The following MMEL1 variants were observed in gnomAD, a reference collection of about 807,000 sequenced individuals.
MMEL1 encodes the protein membrane metalloendopeptidase like 1, also known as membrane metallo-endopeptidase-like 1.
In MMEL1, 98 loss-of-function variants were observed where a neutral mutation model predicts 117.1. That is an observed-to-expected ratio of 0.84 (90% confidence interval 0.71 to 0.99). The LOEUF is 0.99. Among genes scored for constraint, MMEL1 ranks in the 50% least tolerant of loss-of-function variants. The pLI is 0.00. For missense variants in MMEL1, 1,014 were observed against 1,049.1 expected, an observed-to-expected ratio of 0.97 and a Z score of 0.46; for synonymous variants, 390 against 415.1, an observed-to-expected ratio of 0.94 and a Z score of 0.74.
chr1:2,629,755 C>T (rs1638457546), intron 1 of MMEL1: 1 of 397,832 alleles, frequency 2.5e-6, no homozygotes, highest in Admixed American at 4.4e-5. Flanking sequence ...ATGCTCCCAG[C>T]TTGGGGTCGC....
intron 1 of MMEL1, chr1:2,629,820 GCCC>G (rs35955733): frequency 0.61 from 139,778 of 230,940 alleles, 43,882 homozygotes; most frequent in Non-Finnish European, 0.67. Flanking sequence ...CTGTAGTGGA[GCCC>G]CCCCCCTGGG....
intron 22 of MMEL1, 57 bp from the exon 23 acceptor site, chr1:2,591,690 T>TGGGGGGGGGGCAAGGGGGGGG: frequency 2.7e-6 from 1 of 376,506 alleles, no homozygotes; most frequent in Admixed American, 3.3e-5. Context: ...CCAGGAGGGG[T>TGGGGGGGGGGCAAGGGGGGGG]GGGGGAGGGT....
chr1:2,606,666 CCTGGGGCCAGGGCCTGGCCGGAGCCTGG>C (rs1326348058), intron 7 of MMEL1, among the ~76,000 whole-genome samples: 2 of 152,144 alleles, frequency 1.3e-5, no homozygotes, highest in Non-Finnish European at 2.9e-5. Context: ...AGTGGGGAGC[CCTGGGGCCAGGGCCTGGCCGGAGCCTGG>C]CTGGGGCCTG....
intron 23 of MMEL1, 52 bp from the exon 24 acceptor site, chr1:2,591,141 G>T: frequency 1.5e-6 from 2 of 1,332,356 alleles, no homozygotes; most frequent in Non-Finnish European, 2.0e-6. Flanking sequence ...GGACAAACAT[G>T]GCCATTTTAA....
Position 2,598,785 on chromosome 1 carries a change from A to AGAGGACTCTCT in MMEL1, c.1046_1047insAGAGAGTCCTC (p.Phe349LeufsTer67), listed in dbSNP as rs1644886772. On this transcript the variant is annotated frameshift_variant, in exon 12 of 24. Transcript: ENST00000378412. LOFTEE classifies it high-confidence loss of function. ...CAGTTTGTATGAACAGAGTCCAGTT[A>AGAGGACTCTCT]AATCCCTGCAGATAGAGGAAGTGGG... 1 of 1,612,290 alleles carries AGAGGACTCTCT rather than the reference A, an allele frequency of 6.2e-7. No individual in the cohort carries two copies. The highest frequency in any genetic ancestry group is 8.5e-7 in the Non-Finnish European group (1 of 1,178,674).
chr1:2,628,966 G>C (rs1638402846), intron 2 of MMEL1, among the ~76,000 whole-genome samples: 2 of 150,942 alleles, frequency 1.3e-5, no homozygotes, highest in Non-Finnish European at 3.0e-5. Context: ...TGCGCGGCCA[G>C]GCAGGGAGGG....
Position 2,629,311 on chromosome 1 carries a change from G to C in MMEL1, c.154+20C>G. The C allele has an allele frequency of 6.6e-7, 1 of 1,519,526 alleles. No individual in the cohort carries two copies. Among genetic ancestry groups the C allele is most frequent in the Non-Finnish European group, 8.8e-7 (1 of 1,135,146 alleles). The allele number at this position is 1,519,526 out of a possible 1,614,324, so 94.1% of individuals were successfully genotyped here. On this transcript the variant is annotated intron_variant, in intron 2 of 23. Transcript: ENST00000378412. ...GAGAGCGGGCACGGGGACAGGCGGG[G>C]GCGGGGCACCCGCACTCACCTCTGC... is the stretch of plus-strand genomic sequence containing the variant.
At chr1:2,605,006 C>T (rs1296677313) in intron 9 of MMEL1, among the ~76,000 whole-genome samples, 3 of 152,176 alleles carry the variant, frequency 2.0e-5, no homozygotes. Context: ...TGTGTCTGGC[C>T]CTCTGGGGCA....
At chr1:2,602,948 C>A (rs75179033) in intron 11 of MMEL1, among the ~76,000 whole-genome samples, 3,527 of 152,246 alleles carry the variant, frequency 0.023, 127 homozygotes, top group African/African-American at 0.068. Flanking sequence ...ACCGGAACCT[C>A]GATCGAGATA....
Position 2,630,516 on chromosome 1 carries a change from G to C in MMEL1, c.-37-995C>G, listed in dbSNP as rs572417712. Among the ~76,000 whole-genome samples the C allele has an allele frequency of 5.5e-4, 84 of 152,076 alleles. 1 individual carries two copies. The East Asian group carries it at 0.014, about 26-fold the overall frequency. On this transcript the variant is annotated intron_variant, in intron 1 of 23. Coordinates refer to ENST00000378412, the MANE Select transcript of MMEL1 (RefSeq NM_033467.4). ...TGTGCGTGTGCTCTCGTGTGTGCGT[G>C]TGCATGATTGCGTGGATATGCACTG...
intron 8 of MMEL1, 51 bp from the exon 9 acceptor site, chr1:2,605,674 G>T: frequency 6.9e-7 from 1 of 1,458,932 alleles, no homozygotes; most frequent in Non-Finnish European, 9.6e-7. Context: ...GGTCCCCGCA[G>T]CCTGGCTGAG....
At chr1:2,618,498 C>T (rs142187920) in intron 2 of MMEL1, among the ~76,000 whole-genome samples, 23 of 152,232 alleles carry the variant, frequency 1.5e-4, no homozygotes, top group Non-Finnish European at 2.8e-4. Flanking sequence ...TCTTTTCCCT[C>T]TCTTCTCCAT....
chr1:2,607,952 G>C (rs1194799250), intron 6 of MMEL1, among the ~76,000 whole-genome samples: 1 of 152,268 alleles, frequency 6.6e-6, no homozygotes, highest in Admixed American at 6.5e-5. Flanking sequence ...TGGGGATAAA[G>C]GGCTGGGTTC....
chr1:2,604,661 T>C (rs1173754900), intron 9 of MMEL1, among the ~76,000 whole-genome samples: 1 of 151,888 alleles, frequency 6.6e-6, no homozygotes, highest in African/African-American at 2.4e-5. Flanking sequence ...GGGTGGTGGG[T>C]GCCAGGGCTA....
At chr1:2,628,716 G>C (rs1369652811) in intron 2 of MMEL1, among the ~76,000 whole-genome samples, 1 of 150,940 alleles carries the variant, frequency 6.6e-6, no homozygotes, top group African/African-American at 2.5e-5. Context: ...AGCCGGGGGC[G>C]GGGGGAGTGT....
chr1:2,608,805 T>C (rs147598726), intron 6 of MMEL1, among the ~76,000 whole-genome samples: 222 of 151,900 alleles, frequency 1.5e-3, no homozygotes, highest in Middle Eastern at 3.4e-3. Flanking sequence ...CATATACATA[T>C]ACACATATAC....
At position 2,598,267 on chromosome 1, in the gene MMEL1, CACCAGGCGCCAG is replaced by C. The variant is rs1196288582; in HGVS notation, c.1200_1211del (p.Trp401_Val404del). 1.2e-6 allele frequency: 2 copies of C among 1,614,126 alleles called. No individual in the cohort carries two copies. The highest frequency in any genetic ancestry group is 1.7e-6 in the Non-Finnish European group (2 of 1,180,028). The stretch of plus-strand genomic sequence containing the variant: ...GGCTTAGGCTACCAATGCGGTCCAG[CACCAGGCGCCAG>C]ACCAGGTAGTTCTGTATGGTCCTGG... On this transcript the variant is annotated inframe_deletion, in exon 13 of 24. Coordinates refer to ENST00000378412, the MANE Select transcript of MMEL1 (RefSeq NM_033467.4).
chr1:2,622,883 CAAA>C (rs60522932), intron 2 of MMEL1, among the ~76,000 whole-genome samples: 1,926 of 104,004 alleles, frequency 0.019, 31 homozygotes, highest in African/African-American at 0.045. Context: ...AACTCTGTCT[CAAA>C]AAAAAAAAAA....
chr1:2,599,610 C>T (rs1418948180), intron 11 of MMEL1, among the ~76,000 whole-genome samples: 1 of 152,206 alleles, frequency 6.6e-6, no homozygotes, highest in African/African-American at 2.4e-5. Context: ...GTAATCCCAA[C>T]ACTTTGGGAG....
Sources: gnomAD v4.1 joint callset for allele counts (sites outside exome capture counted in the v4.1 genomes callset) on GRCh38, gnomAD v4.1.1 for gene constraint, MANE v1.5 for transcripts, NCBI Gene and HGNC (gene_info 2026-07-23, HGNC 2026-07-21) for gene names.